RBFOX1: variants seen among roughly 807,000 people sequenced by gnomAD.
RBFOX1 encodes RNA binding protein fox-1 homolog 1.
RBFOX1 carries 8 observed loss-of-function variants against 57.7 expected under a neutral mutation model. The observed-to-expected ratio is 0.14, with a 90% CI of 0.08 to 0.25. The LOEUF (loss-of-function observed/expected upper bound fraction) is 0.25. Among genes scored for constraint, RBFOX1 ranks in the 10% least tolerant of loss-of-function variants. The probability of loss-of-function intolerance (pLI) is 1.00; values close to 1 mark genes in which losing one functional copy is unlikely to be tolerated. For synonymous variants in RBFOX1, 326 were observed against 222.4 expected, an observed-to-expected ratio of 1.47 and a Z score of -4.15; for missense variants, 611 against 548.5, an observed-to-expected ratio of 1.11 and a Z score of -1.14.
intron 3 of RBFOX1, among the ~76,000 whole-genome samples, chr16:7,001,564 C>G (rs9928308): frequency 2.6e-5 from 4 of 152,246 alleles, no homozygotes; most frequent in East Asian, 3.9e-4. Flanking sequence ...TCAAGTGATG[C>G]TCCTACATCA....
In RBFOX1 at chr16:5,377,020, T is replaced by G. The variant is rs1025437953; in HGVS notation, c.220-90196T>G. On this transcript the variant is annotated intron_variant, in intron 1 of 2. Coordinates refer to the RBFOX1 transcript ENST00000585867. ...AAATAAACTACCTGTACTCGAATCT[T>G]CATCTCAGGATCCACTTCTGGGGGA... is the stretch of plus-strand genomic sequence containing the variant. 2.5e-4 allele frequency among the ~76,000 whole-genome samples: 38 copies of G among 151,182 alleles called. 5 individuals carry two copies. The highest frequency in any genetic ancestry group is 9.3e-4 in the African/African-American group (38 of 40,696).
chr16:5,610,657 CAT>C (rs1344845902), intron 3 of RBFOX1: 1 of 151,654 alleles, frequency 6.6e-6, no homozygotes, highest in Non-Finnish European at 1.5e-5. Flanking sequence ...GCCTGGGAAA[CAT>C]AGGGATACTT....
intron 3 of RBFOX1, among the ~76,000 whole-genome samples, chr16:6,771,664 G>A (rs1294031559): frequency 6.6e-6 from 1 of 152,206 alleles, no homozygotes; most frequent in African/African-American, 2.4e-5. Flanking sequence ...GCAATGTCAG[G>A]AGGCATTTTT....
chr16:6,830,003 G>A (rs952314170), intron 3 of RBFOX1, among the ~76,000 whole-genome samples: 25 of 151,926 alleles, frequency 1.6e-4, no homozygotes, highest in African/African-American at 4.1e-4. Context: ...TGCCACCTCC[G>A]CCTTCTGGGT....
intron 2 of RBFOX1, among the ~76,000 whole-genome samples, chr16:5,530,558 A>G: frequency 6.6e-6 from 1 of 152,192 alleles, no homozygotes; most frequent in East Asian, 1.9e-4. Flanking sequence ...GTTTCTTAAC[A>G]TCTACACTGT....
intron 3 of RBFOX1, among the ~76,000 whole-genome samples, chr16:6,896,300 C>T (rs150829071): frequency 1.3e-5 from 2 of 152,116 alleles, no homozygotes; most frequent in Non-Finnish European, 1.5e-5. Flanking sequence ...TTGGTACTAA[C>T]AATCCAAGTA....
At chr16:6,937,111 A>C (rs139209085) in intron 3 of RBFOX1, among the ~76,000 whole-genome samples, 9 of 152,110 alleles carry the variant, frequency 5.9e-5, no homozygotes, top group African/African-American at 2.2e-4. Context: ...AATAAATAAA[A>C]AAAGATCCAT....
In RBFOX1 at chr16:5,317,477, C is replaced by T. The variant is rs371689650; in HGVS notation, c.219+77372C>T. 3.0e-4 allele frequency among the ~76,000 whole-genome samples: 45 copies of T among 152,234 alleles called. No individual in the cohort carries two copies. The South Asian group carries it at 6.2e-3, about 21-fold the overall frequency. On this transcript the variant is annotated intron_variant, in intron 1 of 2. Transcript: ENST00000585867. ...ACAAAAAATTAGTTGGGCGTGGTGG[C>T]GCACGCCTGCAATCTCAGCTACTTA... is the stretch of plus-strand genomic sequence containing the variant.
chr16:5,976,313 G>C (rs1311696417), intron 4 of RBFOX1, among the ~76,000 whole-genome samples: 1 of 152,142 alleles, frequency 6.6e-6, no homozygotes, highest in African/African-American at 2.4e-5. Flanking sequence ...GAAAACATCA[G>C]GATGAAAAGC....
intron 1 of RBFOX1, among the ~76,000 whole-genome samples, chr16:6,209,232 C>G (rs1286709289): frequency 6.6e-6 from 1 of 152,134 alleles, no homozygotes; most frequent in Non-Finnish European, 1.5e-5. Flanking sequence ...TCTTCACAAA[C>G]AAGCAAAACA....
rs569392384 is a variant in RBFOX1, at chr16:7,159,410, G to A, written c.27+107312G>A. On this transcript the variant is annotated intron_variant, in intron 4 of 15. Coordinates refer to ENST00000550418, the MANE Select transcript of RBFOX1 (RefSeq NM_018723.4). The stretch of plus-strand genomic sequence containing the variant: ...GATATTTGAAAGAGAATCAGAAACG[G>A]GACAGGATTAGCATCTATGTCACTC... Among the ~76,000 whole-genome samples the A allele has an allele frequency of 7.2e-5, 11 of 152,156 alleles. No homozygotes were observed. The South Asian group carries it at 2.3e-3, about 32-fold the overall frequency.
At chr16:6,544,695 C>G (rs1394679676) in intron 2 of RBFOX1, among the ~76,000 whole-genome samples, 1 of 152,164 alleles carries the variant, frequency 6.6e-6, no homozygotes, top group Non-Finnish European at 1.5e-5. Context: ...AACTGTGGGA[C>G]TCTATATAAG....
intron 3 of RBFOX1, among the ~76,000 whole-genome samples, chr16:7,020,429 G>C (rs1345414397): frequency 6.6e-6 from 1 of 152,040 alleles, no homozygotes; most frequent in African/African-American, 2.4e-5. Context: ...CCATGCTGGT[G>C]AGGCTGGTCT....
At position 7,579,839 on chromosome 16, in the gene RBFOX1, A is replaced by G. The variant is rs140174146; in HGVS notation, c.333A>G (p.Glu111=). 0.012 allele frequency: 18,756 copies of G among 1,614,028 alleles called. 172 individuals are homozygous for G. The highest frequency in any genetic ancestry group is 0.021 in the South Asian group (1,933 of 91,080). Residue 111 remains glutamate, a synonymous_variant, in exon 6 of 16, where the codon GAA becomes GAG. Transcript: ENST00000550418. ...QPQTQPSENT[E]NKSQPKRLHV... is the part of the protein sequence containing the mutation. ...AGACACAACCTTCTGAAAACACGGA[A>G]AACAAGTCTCAGCCCAAGCGGCTGC...
In RBFOX1 at chr16:7,640,796, A is replaced by G. The variant is rs377125494; in HGVS notation, c.757+10113A>G. 2.4e-3 allele frequency among the ~76,000 whole-genome samples: 362 copies of G among 152,288 alleles called. 1 individual carries two copies. The highest frequency in any genetic ancestry group is 8.4e-3 in the African/African-American group (351 of 41,560). On this transcript the variant is annotated intron_variant, in intron 11 of 15. Coordinates refer to ENST00000550418, the MANE Select transcript of RBFOX1 (RefSeq NM_018723.4). Reference sequence around the variant, plus strand: ...AAACTCACCCTCATCCGGCCTCATCAGAGTCAAGAGAAATCCTTCAATAGT... The same window carrying G: ...AAACTCACCCTCATCCGGCCTCATCGGAGTCAAGAGAAATCCTTCAATAGT...
At chr16:5,264,030 G>T (rs1363890877) in intron 1 of RBFOX1, among the ~76,000 whole-genome samples, 6 of 152,144 alleles carry the variant, frequency 3.9e-5, no homozygotes, top group Non-Finnish European at 5.9e-5. Flanking sequence ...GTGGTTGAAG[G>T]CAGGGAAGAA....
chr16:5,500,890 C>G (rs945963083), intron 2 of RBFOX1, among the ~76,000 whole-genome samples: 1 of 152,174 alleles, frequency 6.6e-6, no homozygotes, highest in African/African-American at 2.4e-5. Flanking sequence ...AGATCCCAAA[C>G]TCCAGAGAGA....
At chr16:7,113,224 T>C (rs899780447) in intron 4 of RBFOX1, among the ~76,000 whole-genome samples, 1 of 152,208 alleles carries the variant, frequency 6.6e-6, no homozygotes, top group African/African-American at 2.4e-5. Context: ...GTCTGCATAT[T>C]CTGTGGAGTT....
intron 1 of RBFOX1, among the ~76,000 whole-genome samples, chr16:5,384,775 A>T (rs2066215440): frequency 6.6e-6 from 1 of 152,202 alleles, no homozygotes; most frequent in Non-Finnish European, 1.5e-5. Flanking sequence ...AGGGCCAGCT[A>T]CTCACTAGCT....
Sources: allele counts gnomAD v4.1 joint callset (sites outside exome capture counted in the v4.1 genomes callset), GRCh38; gene constraint gnomAD v4.1.1; transcripts MANE v1.5; gene names NCBI Gene and HGNC (gene_info 2026-07-23, HGNC 2026-07-21).